The following CDKL5 variants were observed in gnomAD, a reference collection of about 807,000 sequenced individuals.
CDKL5 encodes the protein cyclin dependent kinase like 5, also known as cyclin-dependent kinase-like 5.
CDKL5 carries 8 observed loss-of-function variants against 61.7 expected under a neutral mutation model. The ratio of observed to expected loss-of-function variants is 0.13; its 90% confidence interval spans 0.08 to 0.23. The LOEUF is 0.23. Among genes scored for constraint, CDKL5 ranks in the 10% least tolerant of loss-of-function variants. The pLI is 1.00. For synonymous variants in CDKL5, 275 were observed against 272.3 expected, an observed-to-expected ratio of 1.01 and a Z score of -0.10; for missense variants, 440 against 734.5, an observed-to-expected ratio of 0.60 and a Z score of 4.63.
At chrX:18,578,133 T>C (rs1165896193) in intron 5 of CDKL5, among the ~76,000 whole-genome samples, 3 of 111,888 alleles carry the variant, frequency 2.7e-5, no homozygotes, top group Non-Finnish European at 3.8e-5. Context: ...AATCCTTCAA[T>C]TGGACATGCT....
rs1236240691 is a variant in CDKL5, at chrX:18,604,126, A to G, written c.1202A>G (p.Asn401Ser). Residue 401 changes from asparagine (N) to serine (S), a missense_variant, in exon 12 of 18, where the codon AAC (asparagine) becomes AGC (serine). Around this residue, in one of 2 missense-constraint regions of CDKL5, gnomAD observed 363 missense variants for 516.3 expected, o/e 0.70. Coordinates refer to ENST00000623535, the MANE Select transcript of CDKL5 (RefSeq NM_001323289.2). ...GSTSKDLTNN[N>S]IPHLLSPKEA... ...ACCAGCAAAGATCTCACCAACAACA[A>G]CATACCACACCTTCTTAGCCCAAAA... 8.3e-7 allele frequency: 1 copy of G among 1,211,648 alleles called. No homozygotes were observed. Among genetic ancestry groups the G allele is most frequent in the East Asian group, 3.0e-5 (1 of 33,846 alleles).
At chrX:18,596,796 T>A (rs924350315) in intron 10 of CDKL5, among the ~76,000 whole-genome samples, 16 of 112,161 alleles carry the variant, frequency 1.4e-4, no homozygotes, top group Admixed American at 7.6e-4. Context: ...TGTTAAATCA[T>A]TACCAAATAT....
At chrX:18,485,945 T>TGTA in intron 1 of CDKL5, among the ~76,000 whole-genome samples, 1 of 111,658 alleles carries the variant, frequency 9.0e-6, no homozygotes, top group South Asian at 3.8e-4. Flanking sequence ...AGGACAGGAA[T>TGTA]GTAGGAACTC....
chrX:18,482,798 A>C (rs1921635271), intron 1 of CDKL5, among the ~76,000 whole-genome samples: 1 of 111,086 alleles, frequency 9.0e-6, no homozygotes, highest in African/African-American at 3.3e-5. Flanking sequence ...CAATTTCAGA[A>C]GTTGTTCTAG....
chrX:18,630,358 T>C lies in CDKL5; in HGVS notation c.*1601T>C. The C allele has an allele frequency of 1.3e-6, 1 of 753,565 alleles. No homozygotes were observed. Among genetic ancestry groups the C allele is most frequent in the Middle Eastern group, 7.6e-4 (1 of 1,323 alleles). The allele number at this position is 753,565 out of a possible 1,213,427, so 62.1% of individuals were successfully genotyped here. A position where few individuals can be genotyped will look rare whatever the true frequency, so the allele number is the denominator to read the frequency against. On this transcript the variant is annotated 3_prime_UTR_variant, in exon 18 of 18. Transcript: ENST00000623535. ...CCTCAGCACCATCATCTATCAGTAG[T>C]AGTAGATTTTTGGAATTAGTCTCTG... is the stretch of plus-strand genomic sequence containing the variant.
intron 1 of CDKL5, among the ~76,000 whole-genome samples, chrX:18,436,648 C>T (rs755117961): frequency 5.6e-4 from 62 of 110,049 alleles, no homozygotes; most frequent in Non-Finnish European, 1.1e-3. Context: ...ACCTGTAATC[C>T]CAGCACTTTG....
intron 9 of CDKL5, chrX:18,589,276 T>A (rs1459514242): frequency 9.1e-6 from 1 of 109,842 alleles, no homozygotes; most frequent in African/African-American, 3.3e-5. Context: ...TATCTCCTAA[T>A]GCTATTTTCC....
intron 1 of CDKL5, among the ~76,000 whole-genome samples, chrX:18,455,685 A>G (rs1932125625): frequency 8.9e-6 from 1 of 112,946 alleles, no homozygotes; most frequent in South Asian, 3.6e-4. Flanking sequence ...TCCATTTCCC[A>G]TGAATAACAT....
chrX:18,632,719 A>G lies in CDKL5; in HGVS notation c.*3962A>G, dbSNP rs746994777. ...GTCTCTAGTCACGCCATGTATTATA[A>G]AGTATGTTGTGGTTGTAGAGTTAGC... On this transcript the variant is annotated 3_prime_UTR_variant, in exon 18 of 18. Transcript: ENST00000623535. The G allele has an allele frequency of 1.9e-4, 140 of 752,621 alleles. No homozygotes were observed. Among genetic ancestry groups the G allele is most frequent in the Non-Finnish European group, 4.5e-5 (29 of 639,026 alleles). 62.0% of individuals were successfully genotyped at this position (752,621 alleles called of 1,213,427 possible). A position where few individuals can be genotyped will look rare whatever the true frequency, so the allele number is the denominator to read the frequency against.
chrX:18,588,984 A>C (rs1925734737), intron 9 of CDKL5: 1 of 110,326 alleles, frequency 9.1e-6, no homozygotes, highest in Admixed American at 9.7e-5. Flanking sequence ...CCTAGACTTG[A>C]CAACTTTGTA....
chrX:18,525,510 C>T (rs948704115), intron 3 of CDKL5, among the ~76,000 whole-genome samples: 9 of 111,254 alleles, frequency 8.1e-5, no homozygotes, highest in African/African-American at 2.9e-4. Flanking sequence ...TATTTTTCAC[C>T]AATACCATAT....
Position 18,439,939 on chromosome X carries a change from A to G in CDKL5, c.-163+14244A>G, listed in dbSNP as rs1256497023. On this transcript the variant is annotated intron_variant, in intron 1 of 17. Coordinates refer to ENST00000623535, the MANE Select transcript of CDKL5 (RefSeq NM_001323289.2). ...AAAGCACATACTTTAATTAAAAATA[A>G]TTTATTGCCAAAAAATGCTAGCAAT... 9.9e-5 allele frequency among the ~76,000 whole-genome samples: 11 copies of G among 111,089 alleles called. No individual in the cohort carries two copies. In the Admixed American group the frequency reaches 1.1e-3, roughly 11 times the overall value.
chrX:18,560,770 A>C (rs1026653977), intron 3 of CDKL5, among the ~76,000 whole-genome samples: 1 of 16,496 alleles, frequency 6.1e-5, no homozygotes, highest in African/African-American at 2.2e-4. Context: ...TTATTGATTC[A>C]AAAAATACAC....
At chrX:18,642,203 A>G (rs754578210), downstream of CDKL5, 5 of 1,150,649 alleles carry the variant, frequency 4.3e-6, no homozygotes, top group South Asian at 1.8e-5. Flanking sequence ...GGGGAGGGAA[A>G]AGGAAGAAGG....
chrX:18,653,363 T>C (rs143045694), intron 21 of CDKL5: 1 of 1,185,568 alleles, frequency 8.4e-7, no homozygotes, highest in Non-Finnish European at 1.1e-6. Flanking sequence ...GCCCGGGCAT[T>C]AGCCAGAGTG....
In CDKL5 at chrX:18,518,492, C is replaced by T. The variant is rs1342242760; in HGVS notation, c.99+7638C>T. On this transcript the variant is annotated intron_variant, in intron 3 of 17. Transcript: ENST00000623535. Reference sequence around the variant, plus strand: ...CAATCTCAGCTCACTGCAACCTCTGCCTCCCGGGTTCAAGTGATTCTCCTG... The same window carrying T: ...CAATCTCAGCTCACTGCAACCTCTGTCTCCCGGGTTCAAGTGATTCTCCTG... 5.1e-5 allele frequency among the ~76,000 whole-genome samples: 5 copies of T among 97,397 alleles called. No individual in the cohort carries two copies. The Admixed American group carries it at 6.1e-4, about 12-fold the overall frequency. 84.6% of individuals were successfully genotyped at this position (97,397 alleles called of 115,157 possible). A position where few individuals can be genotyped will look rare whatever the true frequency, so the allele number is the denominator to read the frequency against.
rs866167356 is a variant in CDKL5 at position 18,646,006 on chromosome X, G to C, written c.2714-1G>C. On this transcript the variant is annotated splice_acceptor_variant, in intron 19 of 21. Coordinates refer to the CDKL5 transcript ENST00000379989. LOFTEE classifies it high-confidence loss of function. ...CTCTTTTGTTTCTCCCCACTAACTA[G>C]ACGGTGGATGTGATGGCAGAAGACA... The C allele has an allele frequency of 1.7e-6, 2 of 1,211,656 alleles. No homozygotes were observed. Among genetic ancestry groups the C allele is most frequent in the Middle Eastern group, 4.6e-4 (2 of 4,355 alleles).
intron 3 of CDKL5, among the ~76,000 whole-genome samples, chrX:18,533,368 A>G (rs1923712450): frequency 9.0e-6 from 1 of 111,454 alleles, no homozygotes; most frequent in Non-Finnish European, 1.9e-5. Flanking sequence ...CTTATGAGTT[A>G]AGCACCATGC....
chrX:18,483,907 G>A (rs1374109407), intron 1 of CDKL5, among the ~76,000 whole-genome samples: 1 of 112,179 alleles, frequency 8.9e-6, no homozygotes, highest in Admixed American at 9.5e-5. Context: ...CTGTGTCTAT[G>A]ATTATATAAA....
Sources: allele counts gnomAD v4.1 joint callset (sites outside exome capture counted in the v4.1 genomes callset), GRCh38; gene constraint gnomAD v4.1.1; regional missense constraint gnomAD v4.1.1; transcripts MANE v1.5; gene names NCBI Gene and HGNC (gene_info 2026-07-23, HGNC 2026-07-21).